Variants in AP2A2 observed in about 807,000 individuals in gnomAD.
AP2A2 encodes the protein AP-2 complex subunit alpha-2.
Under a neutral mutation model 104.2 loss-of-function variants are expected in AP2A2, and 32 were observed. That is an observed-to-expected ratio of 0.31 (90% CI 0.23 to 0.41). AP2A2 has a LOEUF of 0.41. Among genes scored for constraint, AP2A2 ranks in the 10% least tolerant of loss-of-function variants. AP2A2 has a pLI of 1.00. For synonymous variants in AP2A2, 539 were observed against 533.3 expected, an observed-to-expected ratio of 1.01 and a Z score of -0.15; for missense variants, 912 against 1,261.0, an observed-to-expected ratio of 0.72 and a Z score of 4.19.
chr11:951,165 T>C (rs986180246), intron 1 of AP2A2, among the ~76,000 whole-genome samples: 3 of 151,706 alleles, frequency 2.0e-5, no homozygotes, highest in Non-Finnish European at 4.4e-5. Flanking sequence ...TCAATAAGCA[T>C]ATAAAAGCTA....
chr11:940,294 T>C (rs1406700117), intron 1 of AP2A2, among the ~76,000 whole-genome samples: 2 of 152,246 alleles, frequency 1.3e-5, no homozygotes, highest in African/African-American at 4.8e-5. Flanking sequence ...GTGTGGCATT[T>C]GGTGGCCTTA....
intron 1 of AP2A2, among the ~76,000 whole-genome samples, chr11:926,974 C>G (rs1853140883): frequency 6.6e-6 from 1 of 152,210 alleles, no homozygotes. Flanking sequence ...GAGGCCATCT[C>G]CTTATTTAAT....
At chr11:1,008,620 A>G (rs1160554578) in intron 18 of AP2A2, 6 of 202,928 alleles carry the variant, frequency 3.0e-5, no homozygotes, top group East Asian at 1.3e-4. Context: ...TTCAGTGACT[A>G]CAAATAGCGT....
intron 5 of AP2A2, among the ~76,000 whole-genome samples, chr11:980,673 T>A (rs1855206467): frequency 6.6e-6 from 1 of 152,232 alleles, no homozygotes; most frequent in Non-Finnish European, 1.5e-5. Context: ...AGTGGCCTCA[T>A]CCAGCCTATG....
chr11:993,166 G>A lies in AP2A2; in HGVS notation c.1453-118G>A. On this transcript the variant is annotated intron_variant, in intron 11 of 21. Coordinates refer to ENST00000448903, the MANE Select transcript of AP2A2 (RefSeq NM_012305.4). This position sits in a 1 kb window ranked among gnomAD's most constrained non-coding sequence, Gnocchi z 8.2. ...AGGCAGGGATGGGCACTTGGACTGG[G>A]GTCTCCAGGAAGCTGAGGGGCTGGT... The A allele has an allele frequency of 1.4e-6, 1 of 727,962 alleles. No homozygotes were observed. Among genetic ancestry groups the A allele is most frequent in the Non-Finnish European group, 2.2e-6 (1 of 457,136 alleles). 45.1% of individuals were successfully genotyped at this position (727,962 alleles called of 1,614,324 possible).
chr11:959,167 C>T (rs954064795), intron 1 of AP2A2, among the ~76,000 whole-genome samples: 3 of 152,212 alleles, frequency 2.0e-5, no homozygotes, highest in Admixed American at 1.3e-4. Flanking sequence ...CCCCTGGGTG[C>T]GCAGCGGCTG....
intron 14 of AP2A2, among the ~76,000 whole-genome samples, chr11:997,240 C>T (rs1234720696): frequency 2.0e-5 from 3 of 152,210 alleles, no homozygotes; most frequent in Non-Finnish European, 4.4e-5. Context: ...TCTTTCTGCA[C>T]ACAGCTCCTT....
chr11:987,375 C>T (rs1427004579), intron 9 of AP2A2, among the ~76,000 whole-genome samples: 5 of 152,146 alleles, frequency 3.3e-5, no homozygotes, highest in Non-Finnish European at 5.9e-5. Flanking sequence ...TGGGGCCGGG[C>T]GCGGTGGCTG....
intron 2 of AP2A2, among the ~76,000 whole-genome samples, chr11:959,841 G>A (rs549591236): frequency 9.2e-5 from 14 of 152,264 alleles, no homozygotes; most frequent in African/African-American, 3.1e-4. Flanking sequence ...GCCACCGAAC[G>A]CCTCCTGCTG....
chr11:1,006,497 T>A (rs945672543), intron 16 of AP2A2, 31 bp from the exon 17 acceptor site: 4 of 1,456,754 alleles, frequency 2.7e-6, no homozygotes, highest in Non-Finnish European at 3.8e-6. Flanking sequence ...TGAAATGGTG[T>A]GTGTGAAAAA....
chr11:965,841 GTTTC>G (rs1269820841), intron 2 of AP2A2, among the ~76,000 whole-genome samples: 4 of 152,206 alleles, frequency 2.6e-5, no homozygotes, highest in Non-Finnish European at 4.4e-5. Context: ...AGACATGGTA[GTTTC>G]TTTCTTTTTT....
chr11:1,011,794 G>C lies in AP2A2; in HGVS notation c.*1169G>C. The C allele has an allele frequency of 3.2e-6, 1 of 310,694 alleles. No homozygotes were observed. Among genetic ancestry groups the C allele is most frequent in the Non-Finnish European group, 6.3e-6 (1 of 157,804 alleles). 19.2% of individuals were successfully genotyped at this position (310,694 alleles called of 1,614,324 possible). ...TTTTCACCCTGGCCCTCAGTTGCCT[G>C]CTGTGCGGGTCCCTGGGGCAGCTGC... On this transcript the variant is annotated 3_prime_UTR_variant, in exon 22 of 22. Transcript: ENST00000448903.
At position 954,513 on chromosome 11, in the gene AP2A2, C is replaced by T. The variant is rs138720359; in HGVS notation, c.68-4924C>T. On this transcript the variant is annotated intron_variant, in intron 1 of 21. Transcript: ENST00000448903. ...TATATGTTGTATTTGTGTTTGTGTA[C>T]GTGTGTATTTCTGTGTATCTGTGTA... Among the ~76,000 whole-genome samples the T allele has an allele frequency of 2.4e-4, 36 of 151,216 alleles. No homozygotes were observed. In the East Asian group the frequency reaches 5.0e-3, roughly 21 times the overall value.
At chr11:990,536 G>A (rs949237592) in intron 10 of AP2A2, among the ~76,000 whole-genome samples, 5 of 152,182 alleles carry the variant, frequency 3.3e-5, no homozygotes, top group Non-Finnish European at 7.4e-5. Flanking sequence ...CGTCAGCCCG[G>A]TGTCTGCTCT....
At chr11:1,008,618 C>T (rs1856293750) in intron 18 of AP2A2, 1 of 202,466 alleles carries the variant, frequency 4.9e-6, no homozygotes, top group South Asian at 1.2e-4. Context: ...TTTTCAGTGA[C>T]TACAAATAGC....
intron 2 of AP2A2, among the ~76,000 whole-genome samples, chr11:965,857 A>G (rs1337699748): frequency 6.6e-6 from 1 of 152,104 alleles, no homozygotes; most frequent in East Asian, 1.9e-4. Context: ...TTCTTTTTTA[A>G]AGAGACAGGG....
At chr11:978,182 G>C (rs1209150450) in intron 5 of AP2A2, among the ~76,000 whole-genome samples, 1 of 152,154 alleles carries the variant, frequency 6.6e-6, no homozygotes, top group Non-Finnish European at 1.5e-5. Context: ...GCCTGGTCAG[G>C]GAGGCAGGCC....
Position 977,076 on chromosome 11 carries a change from C to G in AP2A2, c.474-19C>G, listed in dbSNP as rs747793140. 3.3e-5 allele frequency: 53 copies of G among 1,613,164 alleles called. No homozygotes were observed. The highest frequency in any genetic ancestry group is 4.2e-5 in the Non-Finnish European group (50 of 1,179,694). On this transcript the variant is annotated intron_variant, in intron 4 of 21. Transcript: ENST00000448903. ...TGTCTTCAGCCTGTTGCGAGTGACT[C>G]TTGACGTCTGTCTTTCAGAGACACT...
intron 14 of AP2A2, among the ~76,000 whole-genome samples, chr11:999,923 C>T (rs942858820): frequency 6.6e-6 from 1 of 151,790 alleles, no homozygotes; most frequent in Non-Finnish European, 1.5e-5. Flanking sequence ...CCTGCCTCAG[C>T]CTCCCGAGTA....
Sources: allele counts gnomAD v4.1 joint callset (sites outside exome capture counted in the v4.1 genomes callset), GRCh38; gene constraint gnomAD v4.1.1; non-coding constraint Gnocchi (gnomAD v3.1); transcripts MANE v1.5; gene names NCBI Gene and HGNC (gene_info 2026-07-23, HGNC 2026-07-21).